The following TCEANC variants were observed in gnomAD, a reference collection of about 807,000 sequenced individuals.
TCEANC encodes the protein transcription elongation factor A N-terminal and central domain containing.
In TCEANC, 8 loss-of-function variants were observed where a neutral mutation model predicts 8.7. The ratio of observed to expected loss-of-function variants is 0.92; its 90% CI spans 0.54 to 1.65. TCEANC has a LOEUF of 1.65. TCEANC is among the 40% of genes most tolerant of loss of function. TCEANC has a pLI of 0.00. For missense variants in TCEANC, 255 were observed against 251.9 expected (o/e 1.01, Z -0.08); for synonymous variants, 78 against 92.9 (o/e 0.84, Z 0.92).
At position 13,663,531 on chromosome X, in the gene TCEANC, G is replaced by A. The variant is rs756248662; in HGVS notation, c.1023G>A (p.Glu341=). Residue 341 remains glutamate, a synonymous_variant, in exon 2 of 2, where the codon GAG becomes GAA. Transcript: ENST00000380600. ...ACGTAATTTGTAACGAATGTGGGGAGCAGTGGTACCATAGCAAGTGGGTGT... is the reference window on the plus strand; with the variant it reads ...ACGTAATTTGTAACGAATGTGGGGAACAGTGGTACCATAGCAAGTGGGTGT... 3 of 1,160,410 alleles carry A rather than the reference G, an allele frequency of 2.6e-6. No homozygotes were observed. In the East Asian group the frequency reaches 9.6e-5, roughly 37 times the overall value.
chrX:13,662,334 C>T (rs896632082), intron 1 of TCEANC, among the ~76,000 whole-genome samples, 167 bp from the exon 5 acceptor site: 5 of 112,139 alleles, frequency 4.5e-5, no homozygotes, highest in African/African-American at 1.3e-4. Flanking sequence ...TAAACCATAC[C>T]GTCACCTTAA....
chrX:13,655,558 G>A (rs956385276), intron 1 of TCEANC, among the ~76,000 whole-genome samples, 185 bp downstream of exon 2: 1 of 112,203 alleles, frequency 8.9e-6, no homozygotes, highest in Non-Finnish European at 1.9e-5. Context: ...TTCGGTCCAG[G>A]AGCAGAACCA....
At chrX:13,653,295 G>T (rs764716462), upstream of TCEANC, 1 of 112,813 alleles carries the variant, frequency 8.9e-6, no homozygotes, top group Non-Finnish European at 1.9e-5. Context: ...GTGCGCCCTG[G>T]GCGGCGTAGA....
exon 2 of TCEANC, chrX:13,664,972 G>T (rs1172956792): frequency 8.1e-6 from 1 of 123,571 alleles, no homozygotes; most frequent in African/African-American, 3.2e-5. Context: ...CTTTGTTGGA[G>T]CTCTGAAGGC....
At chrX:13,657,205 T>G (rs2045929669) in intron 1 of TCEANC, among the ~76,000 whole-genome samples, 1 of 112,382 alleles carries the variant, frequency 8.9e-6, no homozygotes, top group African/African-American at 3.2e-5. Flanking sequence ...TACCTTTTAG[T>G]AATTCTACTT....
chrX:13,658,682 A>G (rs1462008825), intron 1 of TCEANC, among the ~76,000 whole-genome samples: 1 of 111,936 alleles, frequency 8.9e-6, no homozygotes, highest in Non-Finnish European at 1.9e-5. Context: ...GTGGCTTTGC[A>G]TTCAGATAAG....
intron 1 of TCEANC, among the ~76,000 whole-genome samples, chrX:13,657,793 G>T (rs191253957): frequency 1.1e-5 from 1 of 91,673 alleles, no homozygotes; most frequent in East Asian, 3.4e-4. Context: ...GGGTGACAGA[G>T]CGAGACTCCA....
upstream of TCEANC, chrX:13,653,196 A>C (rs1023633126): frequency 8.9e-6 from 1 of 112,993 alleles, no homozygotes; most frequent in Non-Finnish European, 1.9e-5. Context: ...TCGGTGAGTC[A>C]TGCTTCAGGT....
At chrX:13,659,060 A>G (rs1264661245) in intron 1 of TCEANC, among the ~76,000 whole-genome samples, 2 of 112,492 alleles carry the variant, frequency 1.8e-5, no homozygotes, top group Non-Finnish European at 3.8e-5. Flanking sequence ...GACAGCACAG[A>G]AAAATAAAAA....
At chrX:13,657,007 G>C (rs2045928336) in intron 1 of TCEANC, among the ~76,000 whole-genome samples, 1 of 111,979 alleles carries the variant, frequency 8.9e-6, no homozygotes, top group Non-Finnish European at 1.9e-5. Flanking sequence ...AGGATGAAAA[G>C]AGTGCTGGAC....
At chrX:13,660,366 CAAAT>C (rs896868934) in intron 1 of TCEANC, among the ~76,000 whole-genome samples, 1 of 111,845 alleles carries the variant, frequency 8.9e-6, no homozygotes, top group African/African-American at 3.3e-5. Flanking sequence ...CCCATCACCA[CAAAT>C]AAATCTTGAG....
At chrX:13,659,468 A>T (rs1242251919) in intron 1 of TCEANC, among the ~76,000 whole-genome samples, 184 bp from the exon 3 acceptor site, 3 of 112,152 alleles carry the variant, frequency 2.7e-5, no homozygotes, top group Non-Finnish European at 5.6e-5. Context: ...TACCAGCAAA[A>T]TGAGTAAATC....
intron 1 of TCEANC, among the ~76,000 whole-genome samples, chrX:13,659,342 AAT>A (rs2045947758): frequency 8.9e-6 from 1 of 112,425 alleles, no homozygotes; most frequent in African/African-American, 3.2e-5. Context: ...GAAGTTAAGC[AAT>A]ATTTGACTCA....
intron 1 of TCEANC, among the ~76,000 whole-genome samples, chrX:13,660,130 G>A (rs1209975271): frequency 8.9e-6 from 1 of 111,947 alleles, no homozygotes; most frequent in East Asian, 2.8e-4. Flanking sequence ...AGAAAATACA[G>A]AAGAGGAAAA....
At chrX:13,657,783 G>A (rs774745470) in intron 1 of TCEANC, among the ~76,000 whole-genome samples, 62 of 100,327 alleles carry the variant, frequency 6.2e-4, no homozygotes, top group Non-Finnish European at 1.0e-3. Context: ...ACTCCAGCAT[G>A]GGTGACAGAG....
chrX:13,656,183 T>C (rs2045922917), intron 1 of TCEANC, among the ~76,000 whole-genome samples: 1 of 112,084 alleles, frequency 8.9e-6, no homozygotes, highest in Non-Finnish European at 1.9e-5. Flanking sequence ...GCAGCCAGTG[T>C]CTGTCCATGT....
At chrX:13,658,518 T>C (rs149451199) in intron 1 of TCEANC, among the ~76,000 whole-genome samples, 1,751 of 111,486 alleles carry the variant, frequency 0.016, 12 homozygotes, top group Non-Finnish European at 0.023. Flanking sequence ...ATTGTTTTCA[T>C]AATCAGAAAA....
intron 1 of TCEANC, among the ~76,000 whole-genome samples, chrX:13,661,112 G>A (rs1169688990): frequency 8.9e-6 from 1 of 112,137 alleles, no homozygotes; most frequent in Non-Finnish European, 1.9e-5. Flanking sequence ...CCAAAGTGCT[G>A]GGATTACAGG....
At chrX:13,656,082 A>G (rs985910164) in intron 1 of TCEANC, among the ~76,000 whole-genome samples, 37 of 112,678 alleles carry the variant, frequency 3.3e-4, no homozygotes, top group Non-Finnish European at 3.9e-4. Flanking sequence ...TGCCAGAAGT[A>G]CAGTGAAGGC....
Sources: allele counts gnomAD v4.1 joint callset (sites outside exome capture counted in the v4.1 genomes callset), GRCh38; gene constraint gnomAD v4.1.1; transcripts MANE v1.5; gene names NCBI Gene and HGNC (gene_info 2026-07-23, HGNC 2026-07-21).